Variants in RUFY2 observed in about 807,000 individuals in gnomAD.
The protein encoded by RUFY2 is RUN and FYVE domain containing 2.
RUFY2 carries 49 observed loss-of-function variants against 94.4 expected under a neutral mutation model. The ratio of observed to expected loss-of-function variants is 0.52; its 90% CI spans 0.41 to 0.66. The LOEUF (loss-of-function observed/expected upper bound fraction) is 0.66, where lower values mean the gene tolerates loss of function less well. Among genes scored for constraint, RUFY2 ranks in the 30% least tolerant of loss-of-function variants. The pLI, the probability that RUFY2 is intolerant of heterozygous loss-of-function variation, is 0.00. For missense variants in RUFY2, 541 were observed against 692.8 expected (o/e 0.78, Z 2.46); for synonymous variants, 255 against 235.7 (o/e 1.08, Z -0.75).
intron 16 of RUFY2, among the ~76,000 whole-genome samples, chr10:68,351,886 A>G (rs962859871): frequency 1.3e-5 from 2 of 151,426 alleles, no homozygotes; most frequent in Admixed American, 6.6e-5. Flanking sequence ...GTGAAACCCT[A>G]TCTCTACTAA....
chr10:68,354,543 T>C (rs1011822305), intron 16 of RUFY2, among the ~76,000 whole-genome samples: 2 of 152,186 alleles, frequency 1.3e-5, no homozygotes, highest in Admixed American at 6.6e-5. Flanking sequence ...ACACAGACAC[T>C]GTCCTTTCTT....
intron 15 of RUFY2, among the ~76,000 whole-genome samples, chr10:68,356,306 C>A (rs1056841690): frequency 6.6e-6 from 1 of 151,958 alleles, no homozygotes; most frequent in African/African-American, 2.4e-5. Flanking sequence ...GAGTTCGAGA[C>A]CAGCCTGGTC....
At chr10:68,372,475 G>C (rs1443227948) in intron 13 of RUFY2, among the ~76,000 whole-genome samples, 2 of 151,836 alleles carry the variant, frequency 1.3e-5, no homozygotes, top group African/African-American at 4.8e-5. Context: ...AGCTACTTGG[G>C]AGGTAAAGGC....
chr10:68,391,810 A>T (rs1393624415), intron 7 of RUFY2, among the ~76,000 whole-genome samples: 2 of 151,584 alleles, frequency 1.3e-5, no homozygotes, highest in Admixed American at 6.6e-5. Flanking sequence ...GAATACAAAA[A>T]AATTAACTGT....
At chr10:68,375,255 A>G (rs1173989904) in intron 13 of RUFY2, among the ~76,000 whole-genome samples, 1 of 149,792 alleles carries the variant, frequency 6.7e-6, no homozygotes, top group East Asian at 2.0e-4. Flanking sequence ...TTAGGGAGCT[A>G]AATGATAAGA....
At chr10:68,380,023 T>C (rs1156503479) in intron 11 of RUFY2, among the ~76,000 whole-genome samples, 1 of 152,056 alleles carries the variant, frequency 6.6e-6, no homozygotes, top group Non-Finnish European at 1.5e-5. Flanking sequence ...TTAGTCAGGA[T>C]GGTCTCGATC....
intron 13 of RUFY2, among the ~76,000 whole-genome samples, chr10:68,366,730 A>G (rs780574087): frequency 8.1e-4 from 113 of 139,152 alleles, no homozygotes; most frequent in Non-Finnish European, 1.0e-3. Context: ...CAACAGAGTG[A>G]GACTCTAAAA....
chr10:68,379,264 T>A, intron 12 of RUFY2, 160 bp downstream of exon 12: 1 of 551,892 alleles, frequency 1.8e-6, no homozygotes, highest in Non-Finnish European at 3.2e-6. Context: ...CTTGATTCCA[T>A]GCAACAACCA....
rs931324208 is a variant in RUFY2, at chr10:68,344,506, C to T, written c.*1262G>A. The T allele has an allele frequency of 3.3e-5, 5 of 152,102 alleles. No homozygotes were observed. The highest frequency in any genetic ancestry group is 1.2e-4 in the African/African-American group (5 of 41,390). The allele number at this position is 152,102 out of a possible 1,614,324, so 9.4% of individuals were successfully genotyped here. On this transcript the variant is annotated 3_prime_UTR_variant, in exon 18 of 18. Coordinates refer to ENST00000602465, the MANE Select transcript of RUFY2 (RefSeq NM_001330103.2). ...TCTTAGTATGCCATAAGCAATATAA[C>T]TTGGATTAGTGTTCATTGAGTCAGC...
rs1564778155 is a variant in RUFY2 at position 68,351,391 on chromosome 10, C to T, written c.1599+3962G>A. Among the ~76,000 whole-genome samples the T allele has an allele frequency of 2.6e-5, 4 of 151,650 alleles. No homozygotes were observed. In the East Asian group the frequency reaches 7.8e-4, roughly 30 times the overall value. The stretch of plus-strand genomic sequence containing the variant: ...GACCTTGTGATCCACCCGCCTTGGC[C>T]TCCCAAAGTGCTGGGATTATAGGCG... On this transcript the variant is annotated intron_variant, in intron 16 of 17. Coordinates refer to ENST00000602465, the MANE Select transcript of RUFY2 (RefSeq NM_001330103.2).
intron 13 of RUFY2, among the ~76,000 whole-genome samples, chr10:68,374,740 A>C (rs2132655119): frequency 6.6e-6 from 1 of 152,076 alleles, no homozygotes; most frequent in South Asian, 2.1e-4. Flanking sequence ...ATATGTAACT[A>C]TTTTCCATTG....
intron 15 of RUFY2, among the ~76,000 whole-genome samples, chr10:68,359,498 CTATA>C (rs778310947): frequency 2.8e-5 from 4 of 142,996 alleles, no homozygotes; most frequent in African/African-American, 1.0e-4. Flanking sequence ...AGTAGTACTA[CTATA>C]TATATAAATA....
intron 16 of RUFY2, among the ~76,000 whole-genome samples, chr10:68,347,707 G>C (rs1324330065): frequency 6.6e-6 from 1 of 152,066 alleles, no homozygotes; most frequent in Admixed American, 6.6e-5. Flanking sequence ...GATGAAGGAG[G>C]AGCCTCAATA....
In RUFY2 at chr10:68,345,706, G is replaced by GTA. The variant is rs1336503872; in HGVS notation, c.*60_*61dup. ...TAAGGAGAGCTGTCTGGTTACCTTTGTATACAACATCATAACATTCATTGT... is the reference window on the plus strand; with the variant it reads ...TAAGGAGAGCTGTCTGGTTACCTTTGTATATACAACATCATAACATTCATTGT... On this transcript the variant is annotated 3_prime_UTR_variant, in exon 18 of 18. Coordinates refer to ENST00000602465, the MANE Select transcript of RUFY2 (RefSeq NM_001330103.2). 1 of 1,499,090 alleles carries GTA rather than the reference G, an allele frequency of 6.7e-7. No homozygotes were observed. The highest frequency in any genetic ancestry group is 9.2e-7 in the Non-Finnish European group (1 of 1,091,486). 92.9% of individuals were successfully genotyped at this position (1,499,090 alleles called of 1,614,324 possible).
chr10:68,342,036 A>G (rs1300579645), downstream of RUFY2: 2 of 1,613,696 alleles, frequency 1.2e-6, no homozygotes, highest in Non-Finnish European at 8.5e-7. Context: ...GTGGAGGTGG[A>G]TGGCGTGGGA....
rs2046157133 is a variant in RUFY2 at position 68,344,372 on chromosome 10, A to G, written c.*1396T>C. 1 of 152,192 alleles carries G rather than the reference A, an allele frequency of 6.6e-6. No individual in the cohort carries two copies. The highest frequency in any genetic ancestry group is 1.5e-5 in the Non-Finnish European group (1 of 68,042). 9.4% of individuals were successfully genotyped at this position (152,192 alleles called of 1,614,324 possible). A position where few individuals can be genotyped will look rare whatever the true frequency, so the allele number is the denominator to read the frequency against. On this transcript the variant is annotated 3_prime_UTR_variant, in exon 18 of 18. Coordinates refer to ENST00000602465, the MANE Select transcript of RUFY2 (RefSeq NM_001330103.2). Reference sequence around the variant, plus strand: ...TCCATAAATTTTCTATGTATTTTTTATAGGCTCACAAACTTAAAGTGCATG... The same window carrying G: ...TCCATAAATTTTCTATGTATTTTTTGTAGGCTCACAAACTTAAAGTGCATG...
rs567821018 is a variant in RUFY2, at chr10:68,386,919, C to A, written c.651-791G>T. ...GTTTGAGAAATATGAAGATGAGATA[C>A]CCAGCATCAGGTTCTTAGTATCAAG... On this transcript the variant is annotated intron_variant, in intron 7 of 17. Coordinates refer to ENST00000602465, the MANE Select transcript of RUFY2 (RefSeq NM_001330103.2). Among the ~76,000 whole-genome samples the A allele has an allele frequency of 2.6e-5, 4 of 152,182 alleles. No individual in the cohort carries two copies. The East Asian group carries it at 7.7e-4, about 29-fold the overall frequency.
At chr10:68,341,740 TTC>T (rs764138983), downstream of RUFY2, 41 of 1,587,942 alleles carry the variant, frequency 2.6e-5, no homozygotes, top group African/African-American at 5.2e-4. Context: ...TCAATTTTTT[TTC>T]TTTTTTCTTT....
intron 8 of RUFY2, among the ~76,000 whole-genome samples, chr10:68,385,753 C>T (rs1447018277): frequency 6.6e-6 from 1 of 151,996 alleles, no homozygotes; most frequent in Non-Finnish European, 1.5e-5. Flanking sequence ...ATAGGTCATC[C>T]AGATTTTAAA....
Sources: allele counts gnomAD v4.1 joint callset (sites outside exome capture counted in the v4.1 genomes callset), GRCh38; gene constraint gnomAD v4.1.1; transcripts MANE v1.5; gene names NCBI Gene and HGNC (gene_info 2026-07-23, HGNC 2026-07-21).